The following NKAIN2 variants were observed in gnomAD, a reference collection of about 807,000 sequenced individuals.
NKAIN2 encodes the protein sodium/potassium transporting ATPase interacting 2, also known as sodium/potassium-transporting ATPase subunit beta-1-interacting protein 2.
In NKAIN2, 14 loss-of-function variants were observed where a neutral mutation model predicts 32.6. That is an observed-to-expected ratio of 0.43 (90% CI 0.28 to 0.67). The LOEUF (loss-of-function observed/expected upper bound fraction) is 0.67. Among genes scored for constraint, NKAIN2 ranks in the 30% least tolerant of loss-of-function variants. The probability of loss-of-function intolerance (pLI) is 0.17; values close to 1 mark genes in which losing one functional copy is unlikely to be tolerated. For synonymous variants in NKAIN2, 80 were observed against 87.2 expected, an observed-to-expected ratio of 0.92 and a Z score of 0.46; for missense variants, 198 against 258.3, an observed-to-expected ratio of 0.77 and a Z score of 1.60.
intron 3 of NKAIN2, among the ~76,000 whole-genome samples, chr6:124,356,574 G>GT (rs1583113218): frequency 6.6e-6 from 1 of 152,098 alleles, no homozygotes; most frequent in Non-Finnish European, 1.5e-5. Flanking sequence ...CCATTTGTGT[G>GT]TTTTTTGCAG....
chr6:124,190,055 A>G (rs1645904732), intron 1 of NKAIN2, among the ~76,000 whole-genome samples: 1 of 152,226 alleles, frequency 6.6e-6, no homozygotes, highest in Admixed American at 6.5e-5. Context: ...CTACCTGCAC[A>G]TGGCCACAAA....
At chr6:124,230,475 AT>A (rs373208432) in intron 1 of NKAIN2, among the ~76,000 whole-genome samples, 1 of 152,322 alleles carries the variant, frequency 6.6e-6, no homozygotes, top group African/African-American at 2.4e-5. Flanking sequence ...ACCCAAGACA[AT>A]GGAGAAAATG....
intron 1 of NKAIN2, among the ~76,000 whole-genome samples, chr6:124,252,065 T>C (rs758021301): frequency 6.6e-6 from 1 of 152,022 alleles, no homozygotes; most frequent in Non-Finnish European, 1.5e-5. Context: ...AAAAATGAAA[T>C]GTTAAAAAAG....
chr6:124,013,790 C>A (rs1411818057), intron 1 of NKAIN2, among the ~76,000 whole-genome samples: 1 of 152,108 alleles, frequency 6.6e-6, no homozygotes, highest in Non-Finnish European at 1.5e-5. Flanking sequence ...GGTCAGAAAG[C>A]AATGCAATCA....
At chr6:123,900,111 C>A (rs1445735005) in intron 1 of NKAIN2, among the ~76,000 whole-genome samples, 2 of 152,146 alleles carry the variant, frequency 1.3e-5, no homozygotes, top group African/African-American at 4.8e-5. Flanking sequence ...ACACCAAAGC[C>A]CTCAAATTAG....
chr6:124,558,332 A>G (rs1046245882), intron 3 of NKAIN2, among the ~76,000 whole-genome samples: 21 of 152,320 alleles, frequency 1.4e-4, no homozygotes, highest in African/African-American at 4.8e-4. Flanking sequence ...GAATGGGTGA[A>G]TGTGAGCCAA....
At chr6:124,091,227 A>G (rs74406515) in intron 1 of NKAIN2, among the ~76,000 whole-genome samples, 2,845 of 152,144 alleles carry the variant, frequency 0.019, 76 homozygotes, top group African/African-American at 0.062. Context: ...GAAGCTATAT[A>G]CCACCAGACC....
chr6:124,609,635 C>G (rs1782619598), intron 3 of NKAIN2, among the ~76,000 whole-genome samples: 1 of 152,084 alleles, frequency 6.6e-6, no homozygotes, highest in Non-Finnish European at 1.5e-5. Context: ...TCCCCTGCCT[C>G]TCCCACTAGC....
chr6:124,533,875 T>G (rs1032574405), intron 3 of NKAIN2, among the ~76,000 whole-genome samples: 13 of 152,278 alleles, frequency 8.5e-5, no homozygotes, highest in African/African-American at 2.9e-4. Context: ...GACAACCATC[T>G]TCCCTCTGTG....
At chr6:124,442,523 A>T (rs9766943) in intron 3 of NKAIN2, among the ~76,000 whole-genome samples, 295 of 151,978 alleles carry the variant, frequency 1.9e-3, no homozygotes, top group Middle Eastern at 3.4e-3. Flanking sequence ...TGGCATGGGG[A>T]TCTAAGACAC....
At chr6:124,118,280 G>A (rs1785712513) in intron 1 of NKAIN2, among the ~76,000 whole-genome samples, 6 of 151,986 alleles carry the variant, frequency 3.9e-5, no homozygotes, top group Admixed American at 2.0e-4. Flanking sequence ...AACATAAAAT[G>A]AATTAAAAAA....
intron 1 of NKAIN2, among the ~76,000 whole-genome samples, chr6:124,271,872 G>C (rs1311176895): frequency 1.3e-5 from 2 of 152,144 alleles, no homozygotes; most frequent in African/African-American, 4.8e-5. Context: ...GAGATTGGCA[G>C]CATTTTTCCC....
chr6:123,839,045 G>A (rs949589814), intron 1 of NKAIN2, among the ~76,000 whole-genome samples: 2 of 152,154 alleles, frequency 1.3e-5, no homozygotes, highest in Non-Finnish European at 1.5e-5. Flanking sequence ...AGTCCAGGAA[G>A]CAGAACAGCT....
chr6:124,021,448 A>G (rs1172108644), intron 1 of NKAIN2, among the ~76,000 whole-genome samples: 1 of 151,918 alleles, frequency 6.6e-6, no homozygotes, highest in African/African-American at 2.4e-5. Context: ...TACCTATATT[A>G]AGTCCTTTCA....
intron 2 of NKAIN2, among the ~76,000 whole-genome samples, chr6:124,347,655 G>A (rs548121600): frequency 7.9e-5 from 12 of 152,100 alleles, no homozygotes; most frequent in South Asian, 2.1e-4. Context: ...CATTCTTCAC[G>A]TAGTTCTCGA....
At chr6:124,542,359 T>G (rs1012458390) in intron 3 of NKAIN2, among the ~76,000 whole-genome samples, 2 of 152,086 alleles carry the variant, frequency 1.3e-5, no homozygotes, top group Non-Finnish European at 2.9e-5. Flanking sequence ...AACACTGACA[T>G]CCAATTCTGT....
At chr6:124,234,416 G>T (rs555516743) in intron 1 of NKAIN2, among the ~76,000 whole-genome samples, 5 of 152,202 alleles carry the variant, frequency 3.3e-5, no homozygotes, top group Non-Finnish European at 7.4e-5. Flanking sequence ...AGGGAGAAAA[G>T]AATAATTCCA....
chr6:124,112,697 A>T (rs1378978693), intron 1 of NKAIN2, among the ~76,000 whole-genome samples: 1 of 152,156 alleles, frequency 6.6e-6, no homozygotes, highest in African/African-American at 2.4e-5. Context: ...CATAATTTGT[A>T]TATTGGTCTG....
intron 3 of NKAIN2, among the ~76,000 whole-genome samples, chr6:124,592,724 G>GTCCTCTTATCA (rs1357541832): frequency 1.3e-5 from 2 of 152,166 alleles, no homozygotes; most frequent in African/African-American, 4.8e-5. Flanking sequence ...TTATCATGTA[G>GTCCTCTTATCA]TGGTTAAGTT....
Sources: gnomAD v4.1 joint callset for allele counts (sites outside exome capture counted in the v4.1 genomes callset) on GRCh38, gnomAD v4.1.1 for gene constraint, MANE v1.5 for transcripts, NCBI Gene and HGNC (gene_info 2026-07-23, HGNC 2026-07-21) for gene names.